TBK1: variants seen among roughly 807,000 people sequenced by gnomAD.
The protein encoded by TBK1 is serine/threonine-protein kinase TBK1.
A neutral mutation model predicts 99.9 loss-of-function variants in TBK1; 37 were observed. The observed-to-expected ratio is 0.37, with a 90% CI of 0.28 to 0.49. The LOEUF (loss-of-function observed/expected upper bound fraction) is 0.49, where lower values mean the gene tolerates loss of function less well. Among genes scored for constraint, TBK1 ranks in the 20% least tolerant of loss-of-function variants. The pLI, the probability that TBK1 is intolerant of heterozygous loss-of-function variation, is 0.98. For missense variants in TBK1, 644 were observed against 872.5 expected (o/e 0.74, Z 3.30); for synonymous variants, 258 against 279.8 (o/e 0.92, Z 0.78).
chr12:64,472,889 T>C (rs1365916735), intron 5 of TBK1, among the ~76,000 whole-genome samples: 1 of 152,212 alleles, frequency 6.6e-6, no homozygotes, highest in Admixed American at 6.5e-5. Context: ...AGGCTGCAGG[T>C]TGGACAAGCT....
intron 8 of TBK1, among the ~76,000 whole-genome samples, chr12:64,483,135 A>T (rs1416734431): frequency 1.3e-5 from 2 of 152,376 alleles, no homozygotes; most frequent in South Asian, 4.1e-4. Context: ...ACATTTTAAA[A>T]TAGCTAAAAA....
chr12:64,489,836 A>G (rs541871291), intron 12 of TBK1, among the ~76,000 whole-genome samples: 114 of 150,258 alleles, frequency 7.6e-4, no homozygotes, highest in African/African-American at 2.7e-3. Flanking sequence ...TTGACCTCCC[A>G]AGGTGCTGGA....
In TBK1 at chr12:64,474,722, G is replaced by GA. The variant is rs202214653; in HGVS notation, c.701+340dup. Among the ~76,000 whole-genome samples, 853 of 151,580 alleles carry GA rather than the reference G, an allele frequency of 5.6e-3. 9 individuals carry two copies. Among genetic ancestry groups the GA allele is most frequent in the African/African-American group, 0.019 (786 of 41,354 alleles). ...GTCAGCACTTTCCTCCCATACAACT[G>GA]AAAAAAAATACATAGTTCTGTGGAG... On this transcript the variant is annotated intron_variant, in intron 6 of 20. Coordinates refer to ENST00000331710, the MANE Select transcript of TBK1 (RefSeq NM_013254.4).
intron 9 of TBK1, 145 bp downstream of exon 9, chr12:64,484,644 T>C (rs2040800973): frequency 4.1e-6 from 3 of 729,828 alleles, no homozygotes; most frequent in Non-Finnish European, 4.2e-6. Flanking sequence ...CCCAGCTGCA[T>C]GGGAGGCTGA....
At chr12:64,480,766 A>G (rs2040761091) in intron 7 of TBK1, among the ~76,000 whole-genome samples, 1 of 152,210 alleles carries the variant, frequency 6.6e-6, no homozygotes, top group Non-Finnish European at 1.5e-5. Context: ...ATGCATCGGT[A>G]TTTAGTATCT....
chr12:64,462,248 G>A (rs576485285), intron 3 of TBK1, among the ~76,000 whole-genome samples: 1 of 152,302 alleles, frequency 6.6e-6, no homozygotes, highest in Non-Finnish European at 1.5e-5. Flanking sequence ...CAGTAGCCAA[G>A]GGCAAAGCCT....
intron 10 of TBK1, 153 bp from the exon 11 acceptor site, chr12:64,485,767 ATTATAT>A (rs1565820893): frequency 8.8e-6 from 4 of 452,908 alleles, no homozygotes; most frequent in South Asian, 6.1e-5. Flanking sequence ...TAACATATTT[ATTATAT>A]TTATATCTAT....
chr12:64,482,473 C>A (rs559717713), intron 8 of TBK1, among the ~76,000 whole-genome samples: 2 of 151,990 alleles, frequency 1.3e-5, no homozygotes, highest in Non-Finnish European at 1.5e-5. Flanking sequence ...AAGCACCTGG[C>A]TCCGGAAAAA....
chr12:64,464,416 C>G lies in TBK1; in HGVS notation c.311C>G (p.Ala104Gly), dbSNP rs763694908. 1.3e-5 allele frequency: 21 copies of G among 1,603,032 alleles called. No individual in the cohort carries two copies. Among genetic ancestry groups the G allele is most frequent in the Non-Finnish European group, 1.8e-5 (21 of 1,174,054 alleles). ...ACTGTTTTAGAAGAACCTTCTAATGCCTATGGACTACCAGAATCTGAATTC... is the reference window on the plus strand; with the variant it reads ...ACTGTTTTAGAAGAACCTTCTAATGGCTATGGACTACCAGAATCTGAATTC... ...LYTVLEEPSNAYGLPESEFLI... is the reference protein window; with the variant it reads ...LYTVLEEPSNGYGLPESEFLI... Residue 104 changes from alanine (A) to glycine (G), a missense_variant, in exon 4 of 21, where the codon GCC becomes GGC. Around this residue, in one of 3 missense-constraint regions of TBK1, gnomAD observed 148 missense variants for 202.1 expected, o/e 0.73. Transcript: ENST00000331710.
chr12:64,489,067 C>G lies in TBK1; in HGVS notation c.1442+479C>G, dbSNP rs568458656. Reference sequence around the variant, plus strand: ...TCACAAAGGCAAAAATGCCAGTTTTCTTGGTAAGAAGTGAACACCATCTCT... The same window carrying G: ...TCACAAAGGCAAAAATGCCAGTTTTGTTGGTAAGAAGTGAACACCATCTCT... On this transcript the variant is annotated intron_variant, in intron 12 of 20. Coordinates refer to ENST00000331710, the MANE Select transcript of TBK1 (RefSeq NM_013254.4). 3.9e-5 allele frequency among the ~76,000 whole-genome samples: 6 copies of G among 152,316 alleles called. No individual in the cohort carries two copies. The South Asian group carries it at 1.0e-3, about 26-fold the overall frequency.
rs1184314572 is a variant in TBK1, at chr12:64,501,974, CTA to C, written c.*595_*596del. 6.6e-6 allele frequency: 1 copy of C among 152,610 alleles called. No homozygotes were observed. Among genetic ancestry groups the C allele is most frequent in the Admixed American group, 6.5e-5 (1 of 15,276 alleles). 9.5% of individuals were successfully genotyped at this position (152,610 alleles called of 1,614,324 possible). On this transcript the variant is annotated 3_prime_UTR_variant, in exon 21 of 21. Transcript: ENST00000331710. ...TTTAAAGTGAATTCATTATTAAAAA[CTA>C]TTCATTTTTTTCCTTTGGCCATAAA...
rs745695426 is a variant in TBK1 at position 64,488,596 on chromosome 12, G to A, written c.1442+8G>A. On this transcript the variant is annotated splice_region_variant and intron_variant, in intron 12 of 20. Transcript: ENST00000331710. Reference sequence around the variant, plus strand: ...TGAAAAAACTGTGAAAGTGTGAGTAGACTACTTCCTTACTAGTAGGGGTTA... The same window carrying A: ...TGAAAAAACTGTGAAAGTGTGAGTAAACTACTTCCTTACTAGTAGGGGTTA... 1 of 1,547,998 alleles carries A rather than the reference G, an allele frequency of 6.5e-7. No homozygotes were observed. Among genetic ancestry groups the A allele is most frequent in the South Asian group, 1.2e-5 (1 of 83,908 alleles).
intron 13 of TBK1, among the ~76,000 whole-genome samples, chr12:64,492,254 C>T (rs2040876995): frequency 6.6e-6 from 1 of 152,176 alleles, no homozygotes; most frequent in Admixed American, 6.5e-5. Context: ...TTTTGGGGAT[C>T]TCAAAATGTT....
chr12:64,477,254 G>A (rs1045045218), intron 6 of TBK1, among the ~76,000 whole-genome samples: 7 of 152,306 alleles, frequency 4.6e-5, no homozygotes, highest in East Asian at 3.9e-4. Context: ...ATTGCTCTGC[G>A]CAGTATGGAT....
At chr12:64,491,285 G>C (rs1592373348) in intron 13 of TBK1, among the ~76,000 whole-genome samples, 1 of 151,930 alleles carries the variant, frequency 6.6e-6, no homozygotes, top group Non-Finnish European at 1.5e-5. Context: ...TACCCTGCCC[G>C]TCTTATGGGT....
chr12:64,492,901 T>A (rs1459614867), intron 13 of TBK1, among the ~76,000 whole-genome samples: 1 of 149,978 alleles, frequency 6.7e-6, no homozygotes, highest in Admixed American at 6.6e-5. Context: ...TTGTTTGTTT[T>A]TTTTTTTTTT....
chr12:64,475,484 A>G (rs1297600598), intron 6 of TBK1, among the ~76,000 whole-genome samples: 7 of 152,178 alleles, frequency 4.6e-5, no homozygotes, highest in Non-Finnish European at 1.0e-4. Flanking sequence ...TCTTTGATGC[A>G]TTAAATAAGT....
At chr12:64,468,132 A>C (rs1042942891) in intron 5 of TBK1, among the ~76,000 whole-genome samples, 1 of 152,032 alleles carries the variant, frequency 6.6e-6, no homozygotes, top group Non-Finnish European at 1.5e-5. Flanking sequence ...AGGCAACAGT[A>C]AGCTATGATT....
intron 5 of TBK1, among the ~76,000 whole-genome samples, chr12:64,471,406 G>A (rs2040661510): frequency 6.6e-6 from 1 of 152,000 alleles, no homozygotes; most frequent in Non-Finnish European, 1.5e-5. Context: ...AGGCTGGAGT[G>A]TAGTGGTGCC....
Sources: allele counts gnomAD v4.1 joint callset (sites outside exome capture counted in the v4.1 genomes callset), GRCh38; gene constraint gnomAD v4.1.1; regional missense constraint gnomAD v4.1.1; transcripts MANE v1.5; gene names NCBI Gene and HGNC (gene_info 2026-07-23, HGNC 2026-07-21).